The following TBCD variants were observed in gnomAD, a reference collection of about 807,000 sequenced individuals.
TBCD encodes the protein tubulin-specific chaperone D.
TBCD carries 105 observed loss-of-function variants against 169.3 expected under a neutral mutation model. The observed-to-expected ratio is 0.62, with a 90% CI of 0.53 to 0.73. The LOEUF (loss-of-function observed/expected upper bound fraction) is 0.73, where lower values mean the gene tolerates loss of function less well. TBCD is among the 30% of genes least tolerant of loss of function. The pLI is 0.00. For missense variants in TBCD, 1,444 were observed against 1,600.1 expected, an observed-to-expected ratio of 0.90 and a Z score of 1.66; for synonymous variants, 700 against 643.9, an observed-to-expected ratio of 1.09 and a Z score of -1.32.
At chr17:82,878,739 G>C (rs1414903025) in intron 14 of TBCD, among the ~76,000 whole-genome samples, 1 of 152,144 alleles carries the variant, frequency 6.6e-6, no homozygotes, top group Non-Finnish European at 1.5e-5. Context: ...TTCTCCTTTG[G>C]TTTTCACCCC....
At chr17:82,775,336 G>A (rs992658228) in intron 6 of TBCD, among the ~76,000 whole-genome samples, 1 of 152,214 alleles carries the variant, frequency 6.6e-6, no homozygotes, top group Non-Finnish European at 1.5e-5. Flanking sequence ...GATGCCGTCA[G>A]TGGAAGAGCT....
chr17:82,855,977 G>A (rs2056237690), intron 13 of TBCD, among the ~76,000 whole-genome samples: 1 of 140,996 alleles, frequency 7.1e-6, no homozygotes, highest in Non-Finnish European at 1.5e-5. Context: ...CTTTGTATGG[G>A]TAGACTCCCC....
chr17:82,793,660 C>T (rs1463543577), intron 7 of TBCD, among the ~76,000 whole-genome samples: 2 of 152,150 alleles, frequency 1.3e-5, no homozygotes, highest in African/African-American at 4.8e-5. Flanking sequence ...CAGGCACGGA[C>T]CTGGGGCTGT....
intron 1 of TBCD, among the ~76,000 whole-genome samples, chr17:82,752,579 C>T (rs1349202487): frequency 6.6e-6 from 1 of 152,068 alleles, no homozygotes; most frequent in Non-Finnish European, 1.5e-5. Context: ...GTGCACGGGG[C>T]AGACGCGCGC....
intron 7 of TBCD, chr17:82,795,841 A>G (rs897134336): frequency 1.3e-5 from 2 of 153,316 alleles, no homozygotes; most frequent in African/African-American, 4.8e-5. Flanking sequence ...CTCTTCCTGC[A>G]TGGCAGCCGG....
At chr17:82,794,473 TA>T (rs1206241213) in intron 7 of TBCD, among the ~76,000 whole-genome samples, 1 of 152,162 alleles carries the variant, frequency 6.6e-6, no homozygotes, top group Non-Finnish European at 1.5e-5. Context: ...CTGTCTAGTG[TA>T]TGCTTTTCAG....
intron 16 of TBCD, among the ~76,000 whole-genome samples, chr17:82,892,037 C>G (rs2059177627): frequency 6.6e-6 from 1 of 152,210 alleles, no homozygotes. Context: ...CCCACTTCCC[C>G]CCTGCACAGG....
intron 13 of TBCD, among the ~76,000 whole-genome samples, chr17:82,861,193 C>T (rs576147845): frequency 6.6e-6 from 1 of 152,284 alleles, no homozygotes; most frequent in Non-Finnish European, 1.5e-5. Flanking sequence ...ATGCATAGGG[C>T]AGGCCCCGGT....
In TBCD at chr17:82,934,595, C is replaced by G. The variant is rs560723341; in HGVS notation, c.3191+1860C>G. On this transcript the variant is annotated intron_variant, in intron 34 of 38. Transcript: ENST00000355528. ...TCAAGTGATTCTCCTGCCTCAGCCTCCCTAGTAGCTGGGATTACAGGCATG... is the reference window on the plus strand; with the variant it reads ...TCAAGTGATTCTCCTGCCTCAGCCTGCCTAGTAGCTGGGATTACAGGCATG... Among the ~76,000 whole-genome samples the G allele has an allele frequency of 1.6e-4, 25 of 152,146 alleles. No individual in the cohort carries two copies. The South Asian group carries it at 4.6e-3, about 28-fold the overall frequency.
At chr17:82,886,525 T>G (rs1257172258) in intron 15 of TBCD, among the ~76,000 whole-genome samples, 1 of 150,814 alleles carries the variant, frequency 6.6e-6, no homozygotes, top group Non-Finnish European at 1.5e-5. Flanking sequence ...AGCCTACATT[T>G]AACTGAGAAG....
At chr17:82,794,997 A>T (rs920288231) in intron 7 of TBCD, among the ~76,000 whole-genome samples, 2 of 152,114 alleles carry the variant, frequency 1.3e-5, no homozygotes, top group African/African-American at 4.8e-5. Context: ...GTAGCTGGGG[A>T]CGGTGGAAGC....
chr17:82,902,741 G>A lies in TBCD; in HGVS notation c.1731-664G>A, dbSNP rs534726381. On this transcript the variant is annotated intron_variant, in intron 18 of 38. Coordinates refer to ENST00000355528, the MANE Select transcript of TBCD (RefSeq NM_005993.5). ...CTGCATGTTTTCACCTTCACATTTT[G>A]CTTCTTTGTTGTTACATGGTCGCCC... Among the ~76,000 whole-genome samples the A allele has an allele frequency of 2.0e-5, 3 of 152,338 alleles. No homozygotes were observed. In the East Asian group the frequency reaches 5.8e-4, roughly 29 times the overall value.
intron 2 of TBCD, among the ~76,000 whole-genome samples, chr17:82,759,973 G>A (rs1355277342): frequency 2.0e-5 from 3 of 147,458 alleles, no homozygotes; most frequent in Admixed American, 6.8e-5. Context: ...TGCAACCTCC[G>A]CCTCCCAGGT....
rs1482186254 is a variant in TBCD, at chr17:82,833,004, G to T, written c.1318+18070G>T. On this transcript the variant is annotated intron_variant, in intron 13 of 38. Coordinates refer to ENST00000355528, the MANE Select transcript of TBCD (RefSeq NM_005993.5). The surrounding 1 kb of genome is among the most constrained non-coding windows in gnomAD (Gnocchi z 4.7). ...TTTCCTCGAAAGCGCCCTGCCGGGG[G>T]CTGAGGACACCGAGCCCCCTCCCAG... Among the ~76,000 whole-genome samples, 1 of 152,152 alleles carries T rather than the reference G, an allele frequency of 6.6e-6. No homozygotes were observed.
chr17:82,927,119 C>T lies in TBCD; in HGVS notation c.2472-67C>T, dbSNP rs1462149490. 19 of 1,594,098 alleles carry T rather than the reference C, an allele frequency of 1.2e-5. No individual in the cohort carries two copies. In the Admixed American group the frequency reaches 2.7e-4, roughly 23 times the overall value. ...TCTCAGGATCAGGAACACACATCAG[C>T]CCTCTGCGATGTGGAAGATGAGGCT... On this transcript the variant is annotated intron_variant, in intron 28 of 38. Coordinates refer to ENST00000355528, the MANE Select transcript of TBCD (RefSeq NM_005993.5).
rs778171782 is a variant in TBCD, at chr17:82,831,554, T to C, written c.1318+16620T>C. ...TGGAAAAACCTGTAGTGATCGTATG[T>C]GGCTGGAGATGGAGCCAGGTGCTTA... On this transcript the variant is annotated intron_variant, in intron 13 of 38. Coordinates refer to ENST00000355528, the MANE Select transcript of TBCD (RefSeq NM_005993.5). This position sits in a 1 kb window ranked among gnomAD's most constrained non-coding sequence, Gnocchi z 4.6. 1 of 1,614,116 alleles carries C rather than the reference T, an allele frequency of 6.2e-7. No individual in the cohort carries two copies. The highest frequency in any genetic ancestry group is 1.7e-5 in the Admixed American group (1 of 60,022).
chr17:82,867,848 C>T (rs1482557856), intron 13 of TBCD, among the ~76,000 whole-genome samples: 4 of 152,256 alleles, frequency 2.6e-5, no homozygotes, highest in Admixed American at 6.5e-5. Flanking sequence ...TTGATGGCAG[C>T]CCTGGCCTTT....
At chr17:82,909,458 G>A (rs370265724) in intron 22 of TBCD, among the ~76,000 whole-genome samples, 151 bp downstream of exon 22, 2 of 149,574 alleles carry the variant, frequency 1.3e-5, no homozygotes, top group Non-Finnish European at 3.0e-5. Context: ...TGTGGGAGGC[G>A]CATGAGGGTC....
At chr17:82,873,397 G>T (rs2057747818) in intron 14 of TBCD, among the ~76,000 whole-genome samples, 1 of 152,136 alleles carries the variant, frequency 6.6e-6, no homozygotes, top group African/African-American at 2.4e-5. Context: ...CCAGGGTCGT[G>T]TATGGGCCAT....
Sources: allele counts gnomAD v4.1 joint callset (sites outside exome capture counted in the v4.1 genomes callset), GRCh38; gene constraint gnomAD v4.1.1; non-coding constraint Gnocchi (gnomAD v3.1); transcripts MANE v1.5; gene names NCBI Gene and HGNC (gene_info 2026-07-23, HGNC 2026-07-21).